Variants in CGGBP1 observed in about 807,000 individuals in gnomAD.
CGGBP1 encodes CGG triplet repeat binding protein 1, also known as CGG triplet repeat-binding protein 1.
Under a neutral mutation model 11.4 loss-of-function variants are expected in CGGBP1, and 4 were observed. That is an observed-to-expected ratio of 0.35 (90% confidence interval 0.17 to 0.80). The LOEUF (loss-of-function observed/expected upper bound fraction) is 0.80. Ranked by LOEUF, CGGBP1 falls within the 30% of genes least tolerant of loss-of-function variation. The probability of loss-of-function intolerance (pLI) is 0.52; values close to 1 mark genes in which losing one functional copy is unlikely to be tolerated. For missense variants in CGGBP1, 135 were observed against 202.1 expected (o/e 0.67, Z 2.01); for synonymous variants, 76 against 74.1 (o/e 1.03, Z -0.13).
intron 2 of CGGBP1, chr3:88,128,929 A>C: frequency 6.5e-7 from 1 of 1,535,586 alleles, no homozygotes; most frequent in Non-Finnish European, 8.7e-7. Flanking sequence ...AATCACCCAG[A>C]AATCAGTAAA....
intron 2 of CGGBP1, among the ~76,000 whole-genome samples, chr3:88,072,780 G>T (rs1392506575): frequency 3.9e-5 from 6 of 151,958 alleles, no homozygotes; most frequent in African/African-American, 1.2e-4. Flanking sequence ...CAGTGAACTT[G>T]GTACACAGTA....
intron 2 of CGGBP1, among the ~76,000 whole-genome samples, chr3:88,090,690 A>C (rs1177172095): frequency 6.6e-6 from 1 of 152,146 alleles, no homozygotes; most frequent in African/African-American, 2.4e-5. Context: ...CACCTATAAC[A>C]ACATCATTCT....
At chr3:88,089,095 ATTATAT>A (rs1708500240) in intron 2 of CGGBP1, among the ~76,000 whole-genome samples, 1 of 151,726 alleles carries the variant, frequency 6.6e-6, no homozygotes, top group African/African-American at 2.4e-5. Context: ...TATTAAAAAA[ATTATAT>A]TTATTTTGTG....
At chr3:88,133,701 C>G (rs1706600503) in intron 2 of CGGBP1, among the ~76,000 whole-genome samples, 1 of 152,082 alleles carries the variant, frequency 6.6e-6, no homozygotes, top group African/African-American at 2.4e-5. Context: ...ATTTCTATTG[C>G]TGTTAACTTT....
Position 88,070,597 on chromosome 3 carries a change from A to G in CGGBP1, c.-228-12374T>C, listed in dbSNP as rs1303607752. Among the ~76,000 whole-genome samples the G allele has an allele frequency of 3.8e-5, 4 of 105,736 alleles. No homozygotes were observed. In the East Asian group the frequency reaches 8.0e-4, roughly 21 times the overall value. 69.4% of individuals were successfully genotyped at this position (105,736 alleles called of 152,430 possible). A position where few individuals can be genotyped will look rare whatever the true frequency, so the allele number is the denominator to read the frequency against. Reference sequence around the variant, plus strand: ...TTTTTTTTTTTTTTTTTTGCAGATCATATTGGTGTTTGCCCATTTAATTTT... The same window carrying G: ...TTTTTTTTTTTTTTTTTTGCAGATCGTATTGGTGTTTGCCCATTTAATTTT... On this transcript the variant is annotated intron_variant, in intron 2 of 3. Coordinates refer to the CGGBP1 transcript ENST00000462901.
intron 2 of CGGBP1, among the ~76,000 whole-genome samples, chr3:88,103,350 T>A (rs1306919593): frequency 1.3e-5 from 2 of 152,158 alleles, no homozygotes; most frequent in African/African-American, 4.8e-5. Context: ...AGATGAAGAA[T>A]GGCTAAGACC....
At chr3:88,146,632 G>A (rs1480336558) in intron 1 of CGGBP1, among the ~76,000 whole-genome samples, 1 of 152,036 alleles carries the variant, frequency 6.6e-6, no homozygotes, top group Non-Finnish European at 1.5e-5. Context: ...ATTAGGTATG[G>A]CTCCCATACC....
chr3:88,103,915 C>T (rs936196022), intron 2 of CGGBP1, among the ~76,000 whole-genome samples: 8 of 151,604 alleles, frequency 5.3e-5, no homozygotes, highest in African/African-American at 1.5e-4. Context: ...TACAGGTGCC[C>T]GCCCCTATGC....
intron 2 of CGGBP1, among the ~76,000 whole-genome samples, chr3:88,124,620 T>C (rs377085600): frequency 1.3e-4 from 20 of 152,352 alleles, no homozygotes; most frequent in African/African-American, 4.6e-4. Context: ...GTAGCCTTGA[T>C]TCATCTAATA....
intron 1 of CGGBP1, among the ~76,000 whole-genome samples, chr3:88,146,847 T>C (rs554628490): frequency 6.6e-6 from 1 of 152,248 alleles, no homozygotes; most frequent in South Asian, 2.1e-4. Context: ...ATTCCTCCTC[T>C]CAATAAATGG....
chr3:88,148,937 G>A (rs1478384013), intron 1 of CGGBP1, among the ~76,000 whole-genome samples: 4 of 152,228 alleles, frequency 2.6e-5, no homozygotes, highest in South Asian at 4.1e-4. Context: ...CACCGCGCCC[G>A]GCCAAGCTAT....
chr3:88,141,038 A>G (rs1707094227), exon 2 of CGGBP1: 1 of 1,593,378 alleles, frequency 6.3e-7, no homozygotes, highest in Non-Finnish European at 8.5e-7. Context: ...GATTTGATTC[A>G]GATGATGAAA....
intron 2 of CGGBP1, among the ~76,000 whole-genome samples, chr3:88,133,319 T>A (rs1706575512): frequency 6.6e-6 from 1 of 152,212 alleles, no homozygotes; most frequent in African/African-American, 2.4e-5. Flanking sequence ...TTTAGGTCTC[T>A]CTTATTTCCA....
chr3:88,108,085 T>G (rs1704853842), intron 2 of CGGBP1, among the ~76,000 whole-genome samples: 1 of 152,144 alleles, frequency 6.6e-6, no homozygotes, highest in African/African-American at 2.4e-5. Flanking sequence ...TTTTGTCAGG[T>G]GCCTGGAGAT....
intron 2 of CGGBP1, among the ~76,000 whole-genome samples, chr3:88,082,839 G>T (rs78605209): frequency 0.057 from 8,682 of 152,264 alleles, 276 homozygotes; most frequent in Admixed American, 0.079. Context: ...TTAAACAACA[G>T]AAATTTATTT....
At chr3:88,076,663 A>T (rs1707819778) in intron 2 of CGGBP1, among the ~76,000 whole-genome samples, 1 of 152,090 alleles carries the variant, frequency 6.6e-6, no homozygotes, top group African/African-American at 2.4e-5. Flanking sequence ...TGTTATTTTA[A>T]TTTGATCTTC....
chr3:88,123,028 T>A (rs7633215), intron 2 of CGGBP1, among the ~76,000 whole-genome samples: 141,073 of 149,992 alleles, frequency 0.94, 66,848 homozygotes, highest in Non-Finnish European at 1. Flanking sequence ...AAAAAAAAAG[T>A]AAAAAGAAAA....
At chr3:88,091,908 G>A (rs1708652227) in intron 2 of CGGBP1, among the ~76,000 whole-genome samples, 1 of 152,080 alleles carries the variant, frequency 6.6e-6, no homozygotes, top group Admixed American at 6.5e-5. Context: ...ACCCAGTCTC[G>A]GGTATTTCTT....
At chr3:88,083,742 T>A (rs1708197208) in intron 2 of CGGBP1, among the ~76,000 whole-genome samples, 1 of 152,122 alleles carries the variant, frequency 6.6e-6, no homozygotes, top group African/African-American at 2.4e-5. Context: ...TCTTATTTGT[T>A]TTAGCAGCTT....
Sources: gnomAD v4.1 joint callset for allele counts (sites outside exome capture counted in the v4.1 genomes callset) on GRCh38, gnomAD v4.1.1 for gene constraint, MANE v1.5 for transcripts, NCBI Gene and HGNC (gene_info 2026-07-23, HGNC 2026-07-21) for gene names.